Variants in ASF1A observed in about 807,000 individuals in gnomAD.
The protein encoded by ASF1A is anti-silencing function 1A histone chaperone.
Under a neutral mutation model 22.0 loss-of-function variants are expected in ASF1A, and 5 were observed. The observed-to-expected ratio is 0.23, with a 90% confidence interval of 0.12 to 0.48. ASF1A has a LOEUF of 0.48. Ranked by LOEUF, ASF1A falls within the 20% of genes least tolerant of loss-of-function variation. The probability of loss-of-function intolerance (pLI) is 0.99; values close to 1 mark genes in which losing one functional copy is unlikely to be tolerated. For synonymous variants in ASF1A, 97 were observed against 86.7 expected, an observed-to-expected ratio of 1.12 and a Z score of -0.66; for missense variants, 137 against 240.6, an observed-to-expected ratio of 0.57 and a Z score of 2.85.
intron 1 of ASF1A, 127 bp downstream of exon 1, chr6:118,894,649 G>GA: frequency 3.7e-6 from 3 of 806,198 alleles, no homozygotes; most frequent in Non-Finnish European, 5.8e-6. Context: ...TCTGCGGAGG[G>GA]AAACTTGAAG....
chr6:118,905,851 T>A (rs1780143204), intron 3 of ASF1A, 23 bp downstream of exon 3: 1 of 1,525,692 alleles, frequency 6.6e-7, no homozygotes, highest in African/African-American at 1.4e-5. Flanking sequence ...CTATTCCTTT[T>A]TAACTACTTT....
intron 1 of ASF1A, 143 bp from the exon 2 acceptor site, chr6:118,900,623 A>G: frequency 1.6e-6 from 1 of 638,290 alleles, no homozygotes; most frequent in Non-Finnish European, 2.8e-6. Context: ...CTTTATAAGG[A>G]GCATTTCACT....
chr6:118,894,249 G>A lies in ASF1A; in HGVS notation c.-165G>A. ...TAGGAAAGCTGCAAAACACTGTGGA[G>A]TGCTCCCGTGTAAATAAAAAGAGGA... On this transcript the variant is annotated 5_prime_UTR_variant, in exon 1 of 4. It adds an upstream start codon to the 5' untranslated region. Coordinates refer to ENST00000229595, the MANE Select transcript of ASF1A (RefSeq NM_014034.3). The A allele has an allele frequency of 4.8e-6, 7 of 1,449,618 alleles. No individual in the cohort carries two copies. In the South Asian group the frequency reaches 8.7e-5, roughly 18 times the overall value. 89.8% of individuals were successfully genotyped at this position (1,449,618 alleles called of 1,614,324 possible).
rs1780148747 is a variant in ASF1A at position 118,905,926 on chromosome 6, GATAAA to G, written c.402+104_402+108del. 13 of 921,944 alleles carry G rather than the reference GATAAA, an allele frequency of 1.4e-5. No individual in the cohort carries two copies. The Admixed American group carries it at 3.7e-4, about 26-fold the overall frequency. 57.1% of individuals were successfully genotyped at this position (921,944 alleles called of 1,614,324 possible). On this transcript the variant is annotated intron_variant, in intron 3 of 3. Transcript: ENST00000229595. ...TAGTATACTATTAAAATGGCTTTGA[GATAAA>G]ATAAATATGAGGTCCTTATGCCAAC...
intron 1 of ASF1A, among the ~76,000 whole-genome samples, chr6:118,896,917 T>C (rs998122494): frequency 6.6e-6 from 1 of 152,144 alleles, no homozygotes; most frequent in Non-Finnish European, 1.5e-5. Context: ...AGCTGCTCCC[T>C]GCAGCCTCAA....
Position 118,905,843 on chromosome 6 carries a change from A to T in ASF1A, c.402+15A>T. The T allele has an allele frequency of 1.3e-6, 2 of 1,549,474 alleles. No homozygotes were observed. The stretch of plus-strand genomic sequence containing the variant: ...ACTTTTCTAAGGTAATGTTCTTACT[A>T]TTCCTTTTTAACTACTTTTACTATG... On this transcript the variant is annotated intron_variant, in intron 3 of 3. Coordinates refer to ENST00000229595, the MANE Select transcript of ASF1A (RefSeq NM_014034.3).
chr6:118,904,246 T>A (rs1307993998), intron 2 of ASF1A, among the ~76,000 whole-genome samples: 1 of 152,130 alleles, frequency 6.6e-6, no homozygotes, highest in East Asian at 1.9e-4. Context: ...ACTGACTAGA[T>A]GTAGGAGATA....
At chr6:118,905,387 A>G (rs1780111100) in intron 2 of ASF1A, among the ~76,000 whole-genome samples, 1 of 152,214 alleles carries the variant, frequency 6.6e-6, no homozygotes, top group South Asian at 2.1e-4. Flanking sequence ...ACCACCATGC[A>G]GTGTAGCCAG....
chr6:118,896,391 C>CAA (rs5879473), intron 1 of ASF1A, among the ~76,000 whole-genome samples: 8,754 of 152,116 alleles, frequency 0.058, 359 homozygotes, highest in East Asian at 0.19. Context: ...AGGTATTTCT[C>CAA]AAGTGTTGCC....
At chr6:118,898,549 C>T (rs979902242) in intron 1 of ASF1A, among the ~76,000 whole-genome samples, 6 of 151,986 alleles carry the variant, frequency 3.9e-5, no homozygotes, top group Non-Finnish European at 7.4e-5. Context: ...CTCAGCCTCC[C>T]GAGTAGCTGG....
Position 118,895,877 on chromosome 6 carries a change from T to C in ASF1A, c.109+1355T>C, listed in dbSNP as rs149206915. On this transcript the variant is annotated intron_variant, in intron 1 of 3. Transcript: ENST00000229595. ...ACTAGTTTTTAATCTCTAAAATGTA[T>C]ATATCATATGTAAGGTTAATTTTAA... 7.1e-3 allele frequency among the ~76,000 whole-genome samples: 1,075 copies of C among 152,260 alleles called. 10 individuals are homozygous for C. Among genetic ancestry groups the C allele is most frequent in the African/African-American group, 0.024 (1,013 of 41,558 alleles).
At chr6:118,894,851 T>C (rs1047527027) in intron 1 of ASF1A, among the ~76,000 whole-genome samples, 1 of 152,002 alleles carries the variant, frequency 6.6e-6, no homozygotes, top group African/African-American at 2.4e-5. Context: ...CCGGGCTGGC[T>C]CCGCGCCGCC....
At chr6:118,900,099 T>C (rs1481909543) in intron 1 of ASF1A, among the ~76,000 whole-genome samples, 1 of 152,234 alleles carries the variant, frequency 6.6e-6, no homozygotes, top group African/African-American at 2.4e-5. Context: ...CCACTGTGTA[T>C]ACTCTATTGT....
At position 118,907,818 on chromosome 6, in the gene ASF1A, TTA is replaced by T. The variant is rs1780278543; in HGVS notation, c.*206_*207del. Reference sequence around the variant, plus strand: ...TTAAGTAATTTTTTTCTCTAATGTGTTATTTTATTTGTTCTGAAACTAATCTG... The same window carrying T: ...TTAAGTAATTTTTTTCTCTAATGTGTTTTTATTTGTTCTGAAACTAATCTG... On this transcript the variant is annotated 3_prime_UTR_variant, in exon 4 of 4. Coordinates refer to ENST00000229595, the MANE Select transcript of ASF1A (RefSeq NM_014034.3). 2 of 498,094 alleles carry T rather than the reference TTA, an allele frequency of 4.0e-6. No individual in the cohort carries two copies. The highest frequency in any genetic ancestry group is 3.8e-5 in the African/African-American group (2 of 52,006). 30.9% of individuals were successfully genotyped at this position (498,094 alleles called of 1,614,324 possible).
At chr6:118,899,498 A>C (rs1015353763) in intron 1 of ASF1A, among the ~76,000 whole-genome samples, 1 of 151,942 alleles carries the variant, frequency 6.6e-6, no homozygotes, top group Non-Finnish European at 1.5e-5. Flanking sequence ...CTTCCTCTCT[A>C]TCTCCATCAA....
rs1780270243 is a variant in ASF1A at position 118,907,678 on chromosome 6, T to C, written c.*64T>C. Reference sequence around the variant, plus strand: ...AATACACAGAACTATTTCCCTGAAATTCCGTAAGTACATAGTCAAAACACA... The same window carrying C: ...AATACACAGAACTATTTCCCTGAAACTCCGTAAGTACATAGTCAAAACACA... On this transcript the variant is annotated 3_prime_UTR_variant, in exon 4 of 4. Transcript: ENST00000229595. The C allele has an allele frequency of 3.1e-6, 4 of 1,307,136 alleles. No individual in the cohort carries two copies. The Admixed American group carries it at 5.5e-5, about 18-fold the overall frequency. The allele number at this position is 1,307,136 out of a possible 1,614,324, so 81.0% of individuals were successfully genotyped here.
chr6:118,905,797 A>G lies in ASF1A; in HGVS notation c.371A>G (p.Glu124Gly). ...NNEYTETELR[E>G]NPPVKPDFSK... ...GAATATACTGAGACAGAATTAAGGG[A>G]AAATCCACCAGTAAAACCAGACTTT... Residue 124 changes from glutamate to glycine, a missense_variant, in exon 3 of 4, where the codon GAA (glutamate) becomes GGA (glycine). Around this residue, in one of 2 missense-constraint regions of ASF1A, gnomAD observed 96 missense variants for 196.7 expected, o/e 0.49. Coordinates refer to ENST00000229595, the MANE Select transcript of ASF1A (RefSeq NM_014034.3). 6.2e-7 allele frequency: 1 copy of G among 1,607,748 alleles called. No individual in the cohort carries two copies. Among genetic ancestry groups the G allele is most frequent in the Non-Finnish European group, 8.5e-7 (1 of 1,176,054 alleles).
At chr6:118,902,909 T>C (rs1779901822) in intron 2 of ASF1A, among the ~76,000 whole-genome samples, 1 of 152,250 alleles carries the variant, frequency 6.6e-6, no homozygotes, top group African/African-American at 2.4e-5. Flanking sequence ...GTCTTTCTTC[T>C]GAGTGAGTCA....
chr6:118,905,086 T>C (rs1780083831), intron 2 of ASF1A, among the ~76,000 whole-genome samples: 1 of 152,234 alleles, frequency 6.6e-6, no homozygotes, highest in Middle Eastern at 3.2e-3. Context: ...TCCACCCACC[T>C]TGGCCTCCCA....
Sources: gnomAD v4.1 joint callset for allele counts (sites outside exome capture counted in the v4.1 genomes callset) on GRCh38, gnomAD v4.1.1 for gene constraint, gnomAD v4.1.1 regional missense constraint, MANE v1.5 for transcripts, NCBI Gene and HGNC (gene_info 2026-07-23, HGNC 2026-07-21) for gene names.